Variants in CYFIP2 observed in about 807,000 individuals in gnomAD.
CYFIP2 encodes the protein cytoplasmic FMR1 interacting protein 2.
In CYFIP2, 29 loss-of-function variants were observed where a neutral mutation model predicts 158.7. The observed-to-expected ratio is 0.18, with a 90% CI of 0.14 to 0.25. The LOEUF (loss-of-function observed/expected upper bound fraction) is 0.25. CYFIP2 is among the 10% of genes least tolerant of loss of function. The pLI is 1.00. For synonymous variants in CYFIP2, 585 were observed against 617.6 expected, an observed-to-expected ratio of 0.95 and a Z score of 0.78; for missense variants, 852 against 1,639.5, an observed-to-expected ratio of 0.52 and a Z score of 8.29.
intron 1 of CYFIP2, among the ~76,000 whole-genome samples, chr5:157,270,201 G>A (rs549830459): frequency 7.9e-5 from 12 of 152,298 alleles, no homozygotes; most frequent in South Asian, 2.1e-4. Context: ...TTCTGTTTGC[G>A]TCATTATTTG....
At position 157,390,510 on chromosome 5, in the gene CYFIP2, C is replaced by T. The variant is rs370161696; in HGVS notation, c.3447-11C>T. On this transcript the variant is annotated splice_polypyrimidine_tract_variant and intron_variant, in intron 29 of 30. Coordinates refer to ENST00000620254, the MANE Select transcript of CYFIP2 (RefSeq NM_001037333.3). ...CCTCTCACTCCAGCTGCTTCCTCCC[C>T]CTGCTCCCAGGCAGTGTTTCGGCGA... The T allele has an allele frequency of 6.5e-7, 1 of 1,549,290 alleles. No homozygotes were observed. Among genetic ancestry groups the T allele is most frequent in the Non-Finnish European group, 8.7e-7 (1 of 1,146,388 alleles).
At chr5:157,356,382 G>A (rs1028069597) in intron 23 of CYFIP2, among the ~76,000 whole-genome samples, 4 of 152,190 alleles carry the variant, frequency 2.6e-5, no homozygotes, top group Non-Finnish European at 5.9e-5. Context: ...CATATTGGCG[G>A]TTAGGATTTC....
chr5:157,340,114 C>T (rs138896580), intron 22 of CYFIP2, among the ~76,000 whole-genome samples: 9 of 152,358 alleles, frequency 5.9e-5, no homozygotes, highest in African/African-American at 2.2e-4. Context: ...GCACACGGCC[C>T]GGGGCCAGGC....
At chr5:157,300,554 A>G (rs919852701) in intron 5 of CYFIP2, among the ~76,000 whole-genome samples, 161 bp from the exon 6 acceptor site, 1 of 151,996 alleles carries the variant, frequency 6.6e-6, no homozygotes, top group Non-Finnish European at 1.5e-5. Context: ...AAAAAAGAAA[A>G]AAAGAAATTA....
intron 6 of CYFIP2, among the ~76,000 whole-genome samples, chr5:157,302,439 G>A (rs1050790511): frequency 1.3e-5 from 2 of 152,178 alleles, no homozygotes; most frequent in African/African-American, 4.8e-5. Flanking sequence ...TTACTATGCA[G>A]CCTCACTGGA....
At chr5:157,371,217 C>T (rs1041348028) in intron 26 of CYFIP2, among the ~76,000 whole-genome samples, 1 of 152,154 alleles carries the variant, frequency 6.6e-6, no homozygotes, top group Non-Finnish European at 1.5e-5. Flanking sequence ...TTATGTGCCT[C>T]CATATAAGGG....
At chr5:157,303,328 T>G (rs1382086903) in intron 7 of CYFIP2, among the ~76,000 whole-genome samples, 1 of 152,192 alleles carries the variant, frequency 6.6e-6, no homozygotes, top group East Asian at 1.9e-4. Flanking sequence ...TACCAGTATA[T>G]GAAAAGTCCT....
intron 26 of CYFIP2, among the ~76,000 whole-genome samples, chr5:157,380,870 G>T (rs1765984165): frequency 6.6e-6 from 1 of 151,992 alleles, no homozygotes; most frequent in African/African-American, 2.4e-5. Context: ...AGCAATGAAG[G>T]CCAGGTTATG....
chr5:157,312,620 A>G (rs1230910880), intron 11 of CYFIP2, among the ~76,000 whole-genome samples: 2 of 152,232 alleles, frequency 1.3e-5, no homozygotes, highest in African/African-American at 4.8e-5. Context: ...GCTAACAGCC[A>G]TGGTGACTGT....
intron 21 of CYFIP2, among the ~76,000 whole-genome samples, chr5:157,336,561 AC>A (rs1457489198): frequency 6.6e-6 from 1 of 152,068 alleles, no homozygotes; most frequent in Non-Finnish European, 1.5e-5. Context: ...TGAGTTTGAG[AC>A]CTTTGCTCTC....
intron 5 of CYFIP2, among the ~76,000 whole-genome samples, chr5:157,299,833 C>A (rs1157369962): frequency 6.6e-6 from 1 of 152,118 alleles, no homozygotes; most frequent in Non-Finnish European, 1.5e-5. Flanking sequence ...ACCTGAGAGG[C>A]GGAGGTTGCA....
chr5:157,339,031 C>G (rs1561742750), intron 21 of CYFIP2, 26 bp from the exon 22 acceptor site: 1 of 1,594,502 alleles, frequency 6.3e-7, no homozygotes, highest in South Asian at 1.1e-5. Context: ...AAGTCCTCAG[C>G]AGTTGTGGGC....
intron 1 of CYFIP2, among the ~76,000 whole-genome samples, chr5:157,280,363 A>ATTTTTT (rs57893061): frequency 0.09 from 11,985 of 132,606 alleles, 583 homozygotes; most frequent in Middle Eastern, 0.15. Context: ...CGCCTGGCTA[A>ATTTTTT]TTTTTTTTTT....
chr5:157,335,079 A>G (rs1394928810), intron 21 of CYFIP2, among the ~76,000 whole-genome samples: 2 of 152,238 alleles, frequency 1.3e-5, no homozygotes, highest in African/African-American at 4.8e-5. Flanking sequence ...ATAAAGTGAC[A>G]GTGAACTGGG....
intron 22 of CYFIP2, among the ~76,000 whole-genome samples, chr5:157,339,910 T>C (rs960122171): frequency 1.3e-5 from 2 of 152,200 alleles, no homozygotes; most frequent in African/African-American, 2.4e-5. Flanking sequence ...CAGGAACAGA[T>C]TGTGCAGTAC....
At chr5:157,318,803 T>C (rs1353059060) in intron 13 of CYFIP2, among the ~76,000 whole-genome samples, 2 of 152,142 alleles carry the variant, frequency 1.3e-5, no homozygotes, top group Non-Finnish European at 2.9e-5. Context: ...GTGGCAGTTG[T>C]GAGGTGGACG....
At chr5:157,301,171 TATGTTGCCCC>T (rs1758714935) in intron 6 of CYFIP2, among the ~76,000 whole-genome samples, 1 of 152,266 alleles carries the variant, frequency 6.6e-6, no homozygotes, top group East Asian at 1.9e-4. Context: ...AGCAGCATTT[TATGTTGCCCC>T]ATGTAATATG....
intron 4 of CYFIP2, among the ~76,000 whole-genome samples, chr5:157,295,214 A>G (rs1758156907): frequency 1.3e-5 from 2 of 152,170 alleles, no homozygotes; most frequent in African/African-American, 4.8e-5. Context: ...ATGGCCATGT[A>G]CACTTTGTGA....
At chr5:157,365,427 C>T (rs957568072) in intron 26 of CYFIP2, 2 of 152,124 alleles carry the variant, frequency 1.3e-5, no homozygotes, top group Non-Finnish European at 2.9e-5. Flanking sequence ...GTATTTTCCT[C>T]ATGAAGTTAG....
Sources: allele counts gnomAD v4.1 joint callset (sites outside exome capture counted in the v4.1 genomes callset), GRCh38; gene constraint gnomAD v4.1.1; transcripts MANE v1.5; gene names NCBI Gene and HGNC (gene_info 2026-07-23, HGNC 2026-07-21).